The following RANBP17 variants were observed in gnomAD, a reference collection of about 807,000 sequenced individuals.
RANBP17 encodes the protein RAN binding protein 17, also known as ran-binding protein 17.
Under a neutral mutation model 141.2 loss-of-function variants are expected in RANBP17, and 158 were observed. That is an observed-to-expected ratio of 1.12 (90% CI 0.98 to 1.28). The LOEUF is 1.28. Among genes scored for constraint, RANBP17 ranks in the 50% most tolerant of loss-of-function variants. The pLI, the probability that RANBP17 is intolerant of heterozygous loss-of-function variation, is 0.00. For missense variants in RANBP17, 1,438 were observed against 1,290.7 expected, an observed-to-expected ratio of 1.11 and a Z score of -1.75; for synonymous variants, 430 against 450.0, an observed-to-expected ratio of 0.96 and a Z score of 0.56.
At chr5:171,267,583 T>G (rs917212763) in intron 25 of RANBP17, among the ~76,000 whole-genome samples, 1 of 151,880 alleles carries the variant, frequency 6.6e-6, no homozygotes, top group African/African-American at 2.4e-5. Context: ...CCAAGGCAGG[T>G]GGATCATGAG....
intron 14 of RANBP17, among the ~76,000 whole-genome samples, chr5:171,105,370 A>C (rs1754739466): frequency 8.9e-6 from 1 of 111,738 alleles, no homozygotes; most frequent in African/African-American, 3.6e-5. Flanking sequence ...CGACAGAGCG[A>C]GACTCCGTCT....
At position 171,019,178 on chromosome 5, in the gene RANBP17, T is replaced by C. The variant is rs533712639; in HGVS notation, c.1710+50801T>C. ...GTTTGCCAGTAATTAATTGAGAATT[T>C]TCACATCAATGTTCATCAGAGATAT... On this transcript the variant is annotated intron_variant, in intron 14 of 27. Coordinates refer to ENST00000523189, the MANE Select transcript of RANBP17 (RefSeq NM_022897.5). 2.5e-3 allele frequency among the ~76,000 whole-genome samples: 382 copies of C among 152,340 alleles called. 4 individuals carry two copies. The highest frequency in any genetic ancestry group is 7.7e-3 in the African/African-American group (320 of 41,558).
At chr5:171,132,993 C>G (rs995998835) in intron 14 of RANBP17, among the ~76,000 whole-genome samples, 1 of 151,948 alleles carries the variant, frequency 6.6e-6, no homozygotes, top group Admixed American at 6.6e-5. Flanking sequence ...TCAAGTGATT[C>G]TTCTGCCTCA....
intron 14 of RANBP17, among the ~76,000 whole-genome samples, chr5:171,049,671 T>C (rs377447169): frequency 1.3e-5 from 2 of 152,228 alleles, no homozygotes; most frequent in East Asian, 3.8e-4. Context: ...GGGTCCAGTT[T>C]CAATCCTCTG....
In RANBP17 at chr5:171,095,257, C is replaced by T. The variant is rs148907817; in HGVS notation, c.1711-74873C>T. ...CTAAATACACTCTCACTGAAGAGTT[C>T]GTAATGCCATCTTATATTATTTTAC... On this transcript the variant is annotated intron_variant, in intron 14 of 27. Transcript: ENST00000523189. Among the ~76,000 whole-genome samples the T allele has an allele frequency of 2.1e-3, 316 of 152,236 alleles. 3 individuals carry two copies. The South Asian group carries it at 0.023, about 11-fold the overall frequency.
intron 12 of RANBP17, among the ~76,000 whole-genome samples, chr5:170,949,708 A>G (rs1352750609): frequency 6.6e-6 from 1 of 152,176 alleles, no homozygotes; most frequent in Non-Finnish European, 1.5e-5. Context: ...TAACTCAGCA[A>G]TTCCACTTCT....
intron 1 of RANBP17, among the ~76,000 whole-genome samples, chr5:170,865,126 A>G (rs1159022530): frequency 6.6e-6 from 1 of 152,024 alleles, no homozygotes. Flanking sequence ...GCAGTGGTGG[A>G]ATCTCGGCTA....
intron 14 of RANBP17, among the ~76,000 whole-genome samples, chr5:171,026,125 TTC>T (rs1211779248): frequency 6.6e-6 from 1 of 152,218 alleles, no homozygotes; most frequent in African/African-American, 2.4e-5. Context: ...AATTTATTAT[TTC>T]TCTTTGGGAG....
chr5:171,101,756 G>GT (rs1299972408), intron 14 of RANBP17, among the ~76,000 whole-genome samples: 1 of 152,124 alleles, frequency 6.6e-6, no homozygotes, highest in Non-Finnish European at 1.5e-5. Flanking sequence ...CATATTTAGT[G>GT]TTTCCTTCAG....
At chr5:171,074,370 C>T (rs542992275) in intron 14 of RANBP17, among the ~76,000 whole-genome samples, 18 of 152,104 alleles carry the variant, frequency 1.2e-4, no homozygotes, top group African/African-American at 3.9e-4. Flanking sequence ...CAAGGAAACA[C>T]GACGATTAAA....
chr5:171,198,494 AC>A (rs1762106611), intron 18 of RANBP17, among the ~76,000 whole-genome samples: 1 of 152,226 alleles, frequency 6.6e-6, no homozygotes, highest in African/African-American at 2.4e-5. Context: ...GACCTCCGTT[AC>A]TTTGTCTGAA....
At chr5:171,125,320 G>A (rs1380410788) in intron 14 of RANBP17, among the ~76,000 whole-genome samples, 6 of 103,620 alleles carry the variant, frequency 5.8e-5, no homozygotes, top group African/African-American at 1.3e-4. Flanking sequence ...AAAAAAGAAA[G>A]TGAAGGGATG....
At chr5:170,889,621 G>A (rs533914652) in intron 3 of RANBP17, among the ~76,000 whole-genome samples, 1 of 152,278 alleles carries the variant, frequency 6.6e-6, no homozygotes, top group African/African-American at 2.4e-5. Context: ...TTGATGGGAA[G>A]CACTTCACAA....
intron 5 of RANBP17, among the ~76,000 whole-genome samples, chr5:170,908,540 G>A (rs571819047): frequency 6.6e-6 from 1 of 150,758 alleles, no homozygotes; most frequent in South Asian, 2.1e-4. Context: ...AGGGGTAAAG[G>A]TTGAAAAACT....
chr5:170,882,498 T>G (rs1486268731), intron 3 of RANBP17, among the ~76,000 whole-genome samples: 2 of 152,172 alleles, frequency 1.3e-5, no homozygotes, highest in Admixed American at 1.3e-4. Flanking sequence ...ATTTCACAAA[T>G]GAGGAAGTTA....
At chr5:170,880,020 C>G (rs1176398392) in intron 2 of RANBP17, among the ~76,000 whole-genome samples, 6 of 152,144 alleles carry the variant, frequency 3.9e-5, no homozygotes, top group Admixed American at 3.9e-4. Context: ...TTTTCACAAG[C>G]TTTGTAAATT....
intron 12 of RANBP17, among the ~76,000 whole-genome samples, chr5:170,944,091 G>T (rs1485925299): frequency 6.6e-6 from 1 of 151,990 alleles, no homozygotes; most frequent in Non-Finnish European, 1.5e-5. Flanking sequence ...CTGCATATGA[G>T]TGAGACCGTA....
At chr5:171,044,824 C>G (rs1286049737) in intron 14 of RANBP17, among the ~76,000 whole-genome samples, 1 of 152,014 alleles carries the variant, frequency 6.6e-6, no homozygotes, top group Non-Finnish European at 1.5e-5. Context: ...GAATGGTTAT[C>G]AAACCAAACT....
chr5:171,146,883 T>G (rs1342006599), intron 14 of RANBP17, among the ~76,000 whole-genome samples: 1 of 152,244 alleles, frequency 6.6e-6, no homozygotes, highest in African/African-American at 2.4e-5. Flanking sequence ...GTTGAATTGC[T>G]TAAATTTAAA....
Sources: gnomAD v4.1 joint callset for allele counts (sites outside exome capture counted in the v4.1 genomes callset) on GRCh38, gnomAD v4.1.1 for gene constraint, MANE v1.5 for transcripts, NCBI Gene and HGNC (gene_info 2026-07-23, HGNC 2026-07-21) for gene names.